The following PTGIS variants were observed in gnomAD, a reference collection of about 807,000 sequenced individuals.
PTGIS encodes prostaglandin I2 synthase.
Under a neutral mutation model 50.3 loss-of-function variants are expected in PTGIS, and 45 were observed. The ratio of observed to expected loss-of-function variants is 0.90; its 90% CI spans 0.70 to 1.15. The LOEUF is 1.15. PTGIS is among the 50% of genes most tolerant of loss of function. The probability of loss-of-function intolerance (pLI) is 0.00; values close to 1 mark genes in which losing one functional copy is unlikely to be tolerated. For missense variants in PTGIS, 668 were observed against 661.3 expected (o/e 1.01, Z -0.11); for synonymous variants, 260 against 267.7 (o/e 0.97, Z 0.28).
At chr20:49,545,625 G>C (rs1982337188) in intron 3 of PTGIS, among the ~76,000 whole-genome samples, 2 of 152,142 alleles carry the variant, frequency 1.3e-5, no homozygotes, top group African/African-American at 4.8e-5. Context: ...CATGACTGAG[G>C]ATATGATTAG....
chr20:49,560,244 A>G (rs1982734237), intron 1 of PTGIS, among the ~76,000 whole-genome samples: 1 of 148,712 alleles, frequency 6.7e-6, no homozygotes, highest in African/African-American at 2.5e-5. Context: ...TTAAAAGGGG[A>G]GCTGGAGGGC....
At chr20:49,543,761 T>C (rs1343039933) in intron 4 of PTGIS, among the ~76,000 whole-genome samples, 1 of 152,162 alleles carries the variant, frequency 6.6e-6, no homozygotes. Context: ...TGGATCTCTG[T>C]CATCGTGTTT....
intron 1 of PTGIS, among the ~76,000 whole-genome samples, chr20:49,554,435 T>G (rs765914424): frequency 9.2e-5 from 14 of 152,244 alleles, no homozygotes; most frequent in Non-Finnish European, 1.9e-4. Context: ...GTAATGTTTT[T>G]AAAGTCCTGG....
intron 4 of PTGIS, among the ~76,000 whole-genome samples, chr20:49,542,299 G>A (rs1749741983): frequency 6.6e-6 from 1 of 152,216 alleles, no homozygotes; most frequent in African/African-American, 2.4e-5. Flanking sequence ...TCACCTCTGT[G>A]TCCCTCCCAT....
At chr20:49,517,317 G>A (rs917895088) in intron 6 of PTGIS, among the ~76,000 whole-genome samples, 2 of 152,178 alleles carry the variant, frequency 1.3e-5, no homozygotes, top group Non-Finnish European at 2.9e-5. Flanking sequence ...GGTTAGATGG[G>A]GGCCACCGCT....
At chr20:49,538,723 C>T (rs1982148279) in intron 5 of PTGIS, among the ~76,000 whole-genome samples, 5 of 151,980 alleles carry the variant, frequency 3.3e-5, no homozygotes, top group Admixed American at 2.6e-4. Flanking sequence ...CTGGCTCTGT[C>T]ACTCAGGCTG....
intron 3 of PTGIS, 43 bp from the exon 4 acceptor site, chr20:49,544,491 G>C: frequency 1.2e-6 from 2 of 1,612,228 alleles, no homozygotes; most frequent in Non-Finnish European, 1.7e-6. Context: ...CTTCCAAAGG[G>C]AAATACACAC....
chr20:49,518,795 CTG>C (rs1219720201), intron 6 of PTGIS, among the ~76,000 whole-genome samples: 3 of 152,148 alleles, frequency 2.0e-5, no homozygotes, highest in Non-Finnish European at 4.4e-5. Flanking sequence ...ACTCTCAATA[CTG>C]TGGTTTTGCT....
At position 49,524,576 on chromosome 20, in the gene PTGIS, T is replaced by G. The variant is rs1210355279; in HGVS notation, c.674-337A>C. 2.0e-5 allele frequency among the ~76,000 whole-genome samples: 3 copies of G among 152,364 alleles called. No homozygotes were observed. In the East Asian group the frequency reaches 5.8e-4, roughly 29 times the overall value. Reference sequence around the variant, plus strand: ...GCATTGTATTAGTCTGTTTTCATGCTGCTGACAAAGACATACTTGAGACTG... The same window carrying G: ...GCATTGTATTAGTCTGTTTTCATGCGGCTGACAAAGACATACTTGAGACTG... On this transcript the variant is annotated intron_variant, in intron 5 of 9. Transcript: ENST00000244043.
At chr20:49,517,437 C>A (rs539202121) in intron 6 of PTGIS, among the ~76,000 whole-genome samples, 199 of 148,528 alleles carry the variant, frequency 1.3e-3, no homozygotes, top group Non-Finnish European at 2.1e-3. Flanking sequence ...TACCCAACTG[C>A]ACAGATGTGA....
chr20:49,551,806 TTGTGTG>T (rs58517059), intron 1 of PTGIS, among the ~76,000 whole-genome samples: 13,182 of 142,548 alleles, frequency 0.092, 850 homozygotes, highest in African/African-American at 0.19. Context: ...GTGTATGTGT[TTGTGTG>T]TGTGTGTGTG....
rs374621922 is a variant in PTGIS at position 49,524,007 on chromosome 20, C to T, written c.855+51G>A. 4.3e-4 allele frequency: 692 copies of T among 1,605,882 alleles called. 1 individual carries two copies. The highest frequency in any genetic ancestry group is 4.7e-4 in the Non-Finnish European group (550 of 1,174,060). ...CATGCACACACACATGCGTTCATAT[C>T]GCAACCACACATGCACACCTGCACA... On this transcript the variant is annotated intron_variant, in intron 6 of 9. Coordinates refer to ENST00000244043, the MANE Select transcript of PTGIS (RefSeq NM_000961.4).
At chr20:49,533,196 G>A (rs1981979678) in intron 5 of PTGIS, among the ~76,000 whole-genome samples, 1 of 152,102 alleles carries the variant, frequency 6.6e-6, no homozygotes, top group South Asian at 2.1e-4. Context: ...CTAGATTTGG[G>A]GGCATAGTAC....
chr20:49,538,256 G>GAAAAA (rs58986753), intron 5 of PTGIS, among the ~76,000 whole-genome samples: 1 of 30,292 alleles, frequency 3.3e-5, no homozygotes, highest in African/African-American at 1.1e-4. Flanking sequence ...CCCTGGTTCA[G>GAAAAA]AAAAAAAAAA....
chr20:49,548,369 T>C lies in PTGIS; in HGVS notation c.199-350A>G, dbSNP rs146138993. Among the ~76,000 whole-genome samples, 188 of 152,340 alleles carry C rather than the reference T, an allele frequency of 1.2e-3. 2 individuals carry two copies. In the East Asian group the frequency reaches 0.024, roughly 19 times the overall value. ...GCACCTGCCATGATTATCTTGGTTA[T>C]TGCCATATCTCCAGTAGCCAGGAGA... is the stretch of plus-strand genomic sequence containing the variant. On this transcript the variant is annotated intron_variant, in intron 2 of 9. Transcript: ENST00000244043.
intron 1 of PTGIS, among the ~76,000 whole-genome samples, chr20:49,552,230 A>C (rs1053634374): frequency 6.6e-6 from 1 of 152,158 alleles, no homozygotes; most frequent in Non-Finnish European, 1.5e-5. Flanking sequence ...GAGTGGTTAA[A>C]ATACTTAGAG....
intron 6 of PTGIS, among the ~76,000 whole-genome samples, chr20:49,518,171 T>C (rs531584586): frequency 1.8e-4 from 27 of 152,340 alleles, no homozygotes; most frequent in African/African-American, 5.8e-4. Context: ...CTTTTAATTT[T>C]TATGATTTAG....
At chr20:49,514,678 G>A (rs1464100751) in intron 6 of PTGIS, among the ~76,000 whole-genome samples, 1 of 151,136 alleles carries the variant, frequency 6.6e-6, no homozygotes, top group Non-Finnish European at 1.5e-5. Context: ...CAGCAAAACA[G>A]TGTCAGTAAT....
chr20:49,513,020 C>T, intron 8 of PTGIS, 60 bp downstream of exon 8: 2 of 1,601,564 alleles, frequency 1.2e-6, no homozygotes, highest in African/African-American at 1.3e-5. Flanking sequence ...TCTGGCTCAT[C>T]CCAAAGTCAC....
Sources: gnomAD v4.1 joint callset for allele counts (sites outside exome capture counted in the v4.1 genomes callset) on GRCh38, gnomAD v4.1.1 for gene constraint, MANE v1.5 for transcripts, NCBI Gene and HGNC (gene_info 2026-07-23, HGNC 2026-07-21) for gene names.